CCSER1: variants seen among roughly 807,000 people sequenced by gnomAD.
CCSER1 encodes serine-rich coiled-coil domain-containing protein 1.
In CCSER1, 41 loss-of-function variants were observed where a neutral mutation model predicts 82.0. The observed-to-expected ratio is 0.50, with a 90% CI of 0.39 to 0.65. CCSER1 has a LOEUF of 0.65. Among genes scored for constraint, CCSER1 ranks in the 30% least tolerant of loss-of-function variants. CCSER1 has a pLI of 0.00. For missense variants in CCSER1, 1,119 were observed against 1,064.2 expected (o/e 1.05, Z -0.72); for synonymous variants, 414 against 383.9 (o/e 1.08, Z -0.92).
chr4:90,553,220 G>GGC (rs1279308635), intron 5 of CCSER1, among the ~76,000 whole-genome samples: 2 of 151,822 alleles, frequency 1.3e-5, no homozygotes, highest in African/African-American at 4.8e-5. Context: ...TACCTGCCTT[G>GGC]GCCCCACAAA....
chr4:90,904,713 C>T (rs1232779176), intron 8 of CCSER1, among the ~76,000 whole-genome samples: 2 of 152,102 alleles, frequency 1.3e-5, no homozygotes, highest in Non-Finnish European at 2.9e-5. Flanking sequence ...TCTGAAACAA[C>T]GAATGCATTC....
chr4:91,344,611 G>A (rs1415084103), intron 10 of CCSER1, among the ~76,000 whole-genome samples: 2 of 151,418 alleles, frequency 1.3e-5, no homozygotes, highest in African/African-American at 4.9e-5. Context: ...AAGTTTTTTG[G>A]TAGCTTTTTA....
At chr4:90,658,305 G>A (rs968606837) in intron 6 of CCSER1, among the ~76,000 whole-genome samples, 16 of 152,106 alleles carry the variant, frequency 1.1e-4, no homozygotes, top group South Asian at 2.1e-4. Flanking sequence ...TACTTTTGCA[G>A]GCAATTAAGT....
At chr4:90,963,463 A>T (rs1292860706) in intron 9 of CCSER1, among the ~76,000 whole-genome samples, 1 of 152,188 alleles carries the variant, frequency 6.6e-6, no homozygotes, top group African/African-American at 2.4e-5. Context: ...ATTTGAAGTC[A>T]TAACCCACAG....
intron 10 of CCSER1, among the ~76,000 whole-genome samples, chr4:91,494,203 T>C (rs1758694484): frequency 6.6e-6 from 1 of 151,858 alleles, no homozygotes; most frequent in African/African-American, 2.4e-5. Flanking sequence ...ATATCTGTTA[T>C]TTATAATTAC....
Position 90,641,633 on chromosome 4 carries a change from C to A in CCSER1, c.1932+13401C>A, listed in dbSNP as rs978152447. Among the ~76,000 whole-genome samples, 5 of 152,204 alleles carry A rather than the reference C, an allele frequency of 3.3e-5. No homozygotes were observed. In the South Asian group the frequency reaches 1.0e-3, roughly 32 times the overall value. On this transcript the variant is annotated intron_variant, in intron 6 of 10. Transcript: ENST00000509176. ...AAAAATGGCAGAAATATTTTGCCTA[C>A]TCCTATGCTGTCAATGTATCTTCTG...
intron 8 of CCSER1, among the ~76,000 whole-genome samples, chr4:90,818,278 TC>T (rs1472690676): frequency 6.6e-6 from 1 of 150,776 alleles, no homozygotes; most frequent in Non-Finnish European, 1.5e-5. Flanking sequence ...TTCTTTTTTT[TC>T]TTTTTTTTTT....
intron 10 of CCSER1, among the ~76,000 whole-genome samples, chr4:91,505,723 T>G (rs551608220): frequency 6.6e-6 from 1 of 152,176 alleles, no homozygotes; most frequent in Non-Finnish European, 1.5e-5. Flanking sequence ...TCATGTTTGT[T>G]GGTGCATGAA....
At chr4:91,487,401 T>C (rs1220087928) in intron 10 of CCSER1, among the ~76,000 whole-genome samples, 1 of 152,116 alleles carries the variant, frequency 6.6e-6, no homozygotes. Flanking sequence ...GGAGAAAGTT[T>C]TATGTGTGGA....
rs141560447 is a variant in CCSER1 at position 91,193,146 on chromosome 4, G to T, written c.2217+107152G>T. On this transcript the variant is annotated intron_variant, in intron 10 of 10. Coordinates refer to ENST00000509176, the MANE Select transcript of CCSER1 (RefSeq NM_001145065.2). The stretch of plus-strand genomic sequence containing the variant: ...GCTCATCTATAATACCTAAAACAGA[G>T]CCTTTTACCTCAGTGTTGCTTGGTT... 8.2e-4 allele frequency among the ~76,000 whole-genome samples: 125 copies of T among 152,122 alleles called. No individual in the cohort carries two copies. In the Middle Eastern group the frequency reaches 0.01, roughly 12 times the overall value.
intron 3 of CCSER1, among the ~76,000 whole-genome samples, chr4:90,360,579 C>CAAAA (rs61140876): frequency 0.011 from 856 of 75,804 alleles, 37 homozygotes; most frequent in African/African-American, 0.037. Context: ...GACTCCGTCT[C>CAAAA]AAAAAAAAAA....
chr4:91,517,745 CGT>C (rs71579530), intron 10 of CCSER1, among the ~76,000 whole-genome samples: 10,542 of 121,006 alleles, frequency 0.087, 416 homozygotes, highest in Middle Eastern at 0.13. Context: ...AGTTCTTTCT[CGT>C]GTGTGTGTGT....
At chr4:90,990,653 G>A (rs1376737954) in intron 9 of CCSER1, among the ~76,000 whole-genome samples, 1 of 151,916 alleles carries the variant, frequency 6.6e-6, no homozygotes, top group Non-Finnish European at 1.5e-5. Flanking sequence ...CAGATGCACT[G>A]AATCAGAATT....
chr4:91,337,142 T>A lies in CCSER1; in HGVS notation c.2217+251148T>A, dbSNP rs141603404. On this transcript the variant is annotated intron_variant, in intron 10 of 10. Transcript: ENST00000509176. ...CTGCACATTTTCAGAAAGAGTCAAG[T>A]TTAGATTACTGATGCTATTGTAATG... is the stretch of plus-strand genomic sequence containing the variant. 6.3e-3 allele frequency among the ~76,000 whole-genome samples: 963 copies of A among 152,164 alleles called. 12 individuals carry two copies. The highest frequency in any genetic ancestry group is 0.022 in the African/African-American group (912 of 41,544).
At chr4:90,876,857 G>A (rs564401438) in intron 8 of CCSER1, among the ~76,000 whole-genome samples, 8 of 151,956 alleles carry the variant, frequency 5.3e-5, no homozygotes, top group Non-Finnish European at 5.9e-5. Context: ...TCTATAAAAC[G>A]TAATTATTAT....
At chr4:91,417,824 G>A (rs1046784637) in intron 10 of CCSER1, among the ~76,000 whole-genome samples, 4 of 151,642 alleles carry the variant, frequency 2.6e-5, no homozygotes, top group Admixed American at 2.6e-4. Context: ...TGCACATTGT[G>A]CACGTGTACC....
At chr4:91,256,237 C>T (rs1405566271) in intron 10 of CCSER1, among the ~76,000 whole-genome samples, 2 of 152,108 alleles carry the variant, frequency 1.3e-5, no homozygotes, top group Non-Finnish European at 2.9e-5. Flanking sequence ...GGGCCCCCAG[C>T]CTTGCTAGGA....
chr4:91,308,605 CA>C (rs35308158), intron 10 of CCSER1, among the ~76,000 whole-genome samples: 112,617 of 151,814 alleles, frequency 0.74, 41,903 homozygotes, highest in Middle Eastern at 0.8. Context: ...AGTGCATTCT[CA>C]GTTCTGAAAA....
intron 10 of CCSER1, among the ~76,000 whole-genome samples, chr4:91,524,422 A>G (rs1760668103): frequency 6.6e-6 from 1 of 152,220 alleles, no homozygotes; most frequent in African/African-American, 2.4e-5. Flanking sequence ...TAAAGACACA[A>G]GTCTGCTCAA....
Sources: allele counts gnomAD v4.1 joint callset (sites outside exome capture counted in the v4.1 genomes callset), GRCh38; gene constraint gnomAD v4.1.1; transcripts MANE v1.5; gene names NCBI Gene and HGNC (gene_info 2026-07-23, HGNC 2026-07-21).